BCAS3: variants seen among roughly 807,000 people sequenced by gnomAD.
The protein encoded by BCAS3 is BCAS3 microtubule associated cell migration factor.
BCAS3 carries 53 observed loss-of-function variants against 116.1 expected under a neutral mutation model. That is an observed-to-expected ratio of 0.46 (90% CI 0.37 to 0.57). The LOEUF (loss-of-function observed/expected upper bound fraction) is 0.57. BCAS3 is among the 20% of genes least tolerant of loss of function. The pLI is 0.00. For synonymous variants in BCAS3, 391 were observed against 408.2 expected (o/e 0.96, Z 0.51); for missense variants, 917 against 1,165.4 (o/e 0.79, Z 3.10).
chr17:60,681,436 G>A (rs975554739), intron 2 of BCAS3, among the ~76,000 whole-genome samples: 1 of 151,774 alleles, frequency 6.6e-6, no homozygotes, highest in Non-Finnish European at 1.5e-5. Flanking sequence ...GGAGGCGGAG[G>A]TTGCAGTGAG....
intron 22 of BCAS3, among the ~76,000 whole-genome samples, chr17:61,133,032 A>G (rs1420179620): frequency 1.3e-5 from 2 of 152,230 alleles, no homozygotes; most frequent in African/African-American, 2.4e-5. Flanking sequence ...ATCTAATCCA[A>G]TCAGATGAAG....
At chr17:61,024,129 T>C (rs2066061845) in intron 16 of BCAS3, among the ~76,000 whole-genome samples, 1 of 152,180 alleles carries the variant, frequency 6.6e-6, no homozygotes, top group Admixed American at 6.5e-5. Context: ...CATGGATTTG[T>C]ACTTTGTGAC....
chr17:60,879,787 C>G (rs543908291), intron 9 of BCAS3, among the ~76,000 whole-genome samples: 4 of 152,162 alleles, frequency 2.6e-5, no homozygotes, highest in African/African-American at 9.6e-5. Context: ...TGATTAATAA[C>G]AAATAGAACA....
chr17:60,790,954 C>G (rs929270235), intron 6 of BCAS3, among the ~76,000 whole-genome samples: 4 of 152,026 alleles, frequency 2.6e-5, no homozygotes, highest in Non-Finnish European at 5.9e-5. Context: ...GTTGGCCAGG[C>G]TGGTCTTGAA....
At chr17:61,081,908 T>C (rs777901451) in intron 21 of BCAS3, among the ~76,000 whole-genome samples, 1 of 152,196 alleles carries the variant, frequency 6.6e-6, no homozygotes, top group Non-Finnish European at 1.5e-5. Context: ...TTTAGATTTT[T>C]TGGGGCTCAC....
At chr17:60,874,786 C>G in intron 9 of BCAS3, 48 bp downstream of exon 9, 1 of 1,173,500 alleles carries the variant, frequency 8.5e-7, no homozygotes, top group Non-Finnish European at 1.2e-6. Context: ...GTTTATACTA[C>G]TTACTTGACA....
chr17:60,764,797 G>A (rs1054462614), intron 6 of BCAS3, among the ~76,000 whole-genome samples: 40 of 152,304 alleles, frequency 2.6e-4, no homozygotes, highest in African/African-American at 9.4e-4. Flanking sequence ...ACAGCGGGGT[G>A]TTAAAGTCTC....
At chr17:60,910,744 A>G (rs1267075624) in intron 12 of BCAS3, 42 bp downstream of exon 12, 3 of 1,516,824 alleles carry the variant, frequency 2.0e-6, no homozygotes, top group African/African-American at 1.4e-5. Context: ...GTTACTTGCA[A>G]AGATGGGGCT....
intron 12 of BCAS3, among the ~76,000 whole-genome samples, chr17:60,914,043 G>T (rs2058652568): frequency 1.3e-5 from 2 of 152,084 alleles, no homozygotes; most frequent in Non-Finnish European, 2.9e-5. Context: ...TTCTTGCCTG[G>T]AGAACAAGTG....
chr17:60,703,598 A>T (rs2036707342), intron 4 of BCAS3, among the ~76,000 whole-genome samples: 1 of 151,150 alleles, frequency 6.6e-6, no homozygotes, highest in Non-Finnish European at 1.5e-5. Flanking sequence ...TGCAGCTTTT[A>T]CATGGGTGCA....
chr17:61,322,675 G>A (rs1032888366), intron 22 of BCAS3, among the ~76,000 whole-genome samples: 8 of 150,918 alleles, frequency 5.3e-5, no homozygotes, highest in African/African-American at 2.0e-4. Context: ...TTGTTTTTTT[G>A]TCCTTGACAA....
chr17:61,311,373 C>T (rs1197865423), intron 22 of BCAS3, among the ~76,000 whole-genome samples: 3 of 152,228 alleles, frequency 2.0e-5, no homozygotes, highest in African/African-American at 7.2e-5. Flanking sequence ...TGTGAGGGCA[C>T]CTCTCCAAGA....
At chr17:60,820,130 G>A (rs928095092) in intron 7 of BCAS3, among the ~76,000 whole-genome samples, 1 of 150,762 alleles carries the variant, frequency 6.6e-6, no homozygotes, top group Non-Finnish European at 1.5e-5. Flanking sequence ...GAGTGCAGTC[G>A]CACGATCTTG....
intron 22 of BCAS3, among the ~76,000 whole-genome samples, chr17:61,146,999 C>T (rs1170821795): frequency 1.3e-5 from 2 of 151,958 alleles, no homozygotes; most frequent in African/African-American, 2.4e-5. Context: ...ACTGCAGCCT[C>T]GACCTCCCAG....
At chr17:60,902,754 C>A in intron 11 of BCAS3, 51 bp downstream of exon 11, 3 of 1,327,136 alleles carry the variant, frequency 2.3e-6, no homozygotes, top group South Asian at 1.2e-5. Flanking sequence ...AGTAATTGTT[C>A]AGATTTCTCT....
rs1341942985 is a variant in BCAS3 at position 61,359,557 on chromosome 17, C to T, written c.2426-8770C>T. Among the ~76,000 whole-genome samples the T allele has an allele frequency of 4.0e-5, 6 of 151,066 alleles. No homozygotes were observed. The East Asian group carries it at 9.8e-4, about 25-fold the overall frequency. ...TTGCCCAGGCTGGAGTGCGGTGCCG[C>T]GGATCTCACTGCAATCTCTGCCCAC... On this transcript the variant is annotated intron_variant, in intron 22 of 23. Coordinates refer to ENST00000407086, the MANE Select transcript of BCAS3 (RefSeq NM_017679.5).
At chr17:60,698,120 A>G (rs967699777) in intron 4 of BCAS3, among the ~76,000 whole-genome samples, 2 of 144,278 alleles carry the variant, frequency 1.4e-5, no homozygotes, top group Non-Finnish European at 3.0e-5. Context: ...CAGAGCTTGC[A>G]GTGAGCTGAG....
chr17:61,366,724 GGCCTCT>G lies in BCAS3; in HGVS notation c.2426-1602_2426-1597del, dbSNP rs756875921. Among the ~76,000 whole-genome samples, 1 of 152,158 alleles carries G rather than the reference GGCCTCT, an allele frequency of 6.6e-6. No homozygotes were observed. The highest frequency in any genetic ancestry group is 1.5e-5 in the Non-Finnish European group (1 of 68,026). ...TCCCAAGCAACCCACTCCTAAGGTGGGCCTCTTCTTGGGGAGATGCCCTTATAGATG... is the reference window on the plus strand; with the variant it reads ...TCCCAAGCAACCCACTCCTAAGGTGGTCTTGGGGAGATGCCCTTATAGATG... On this transcript the variant is annotated intron_variant, in intron 22 of 23. Transcript: ENST00000407086. This position sits in a 1 kb window ranked among gnomAD's most constrained non-coding sequence, Gnocchi z 4.5.
At position 61,021,642 on chromosome 17, in the gene BCAS3, GAGC is replaced by G. The variant is rs1246580532; in HGVS notation, c.1637+5745_1637+5747del. 1.3e-5 allele frequency among the ~76,000 whole-genome samples: 2 copies of G among 152,154 alleles called. No homozygotes were observed. The highest frequency in any genetic ancestry group is 2.9e-5 in the Non-Finnish European group (2 of 68,038). Reference sequence around the variant, plus strand: ...CCCATTTCTAAGCCTCAGGACTGTTGAGCAGCCGTAAGCCAGTGCTGATGGGCT... The same window carrying G: ...CCCATTTCTAAGCCTCAGGACTGTTGAGCCGTAAGCCAGTGCTGATGGGCT... On this transcript the variant is annotated intron_variant, in intron 16 of 23. Coordinates refer to ENST00000407086, the MANE Select transcript of BCAS3 (RefSeq NM_017679.5). The surrounding 1 kb of genome is among the most constrained non-coding windows in gnomAD (Gnocchi z 4.6).
Sources: gnomAD v4.1 joint callset for allele counts (sites outside exome capture counted in the v4.1 genomes callset) on GRCh38, gnomAD v4.1.1 for gene constraint, Gnocchi (gnomAD v3.1) non-coding constraint, MANE v1.5 for transcripts, NCBI Gene and HGNC (gene_info 2026-07-23, HGNC 2026-07-21) for gene names.